Variants in DPYD observed in about 807,000 individuals in gnomAD.
The protein encoded by DPYD is dihydropyrimidine dehydrogenase [NADP(+)].
Under a neutral mutation model 116.2 loss-of-function variants are expected in DPYD, and 109 were observed. The ratio of observed to expected loss-of-function variants is 0.94; its 90% CI spans 0.80 to 1.10. The LOEUF (loss-of-function observed/expected upper bound fraction) is 1.10. Among genes scored for constraint, DPYD ranks in the 50% least tolerant of loss-of-function variants. The probability of loss-of-function intolerance (pLI) is 0.00; values close to 1 mark genes in which losing one functional copy is unlikely to be tolerated. For missense variants in DPYD, 1,302 were observed against 1,254.5 expected (o/e 1.04, Z -0.57); for synonymous variants, 440 against 432.0 (o/e 1.02, Z -0.23).
In DPYD at chr1:97,869,240, G is replaced by A. The variant is rs527641310; in HGVS notation, c.150+14024C>T. On this transcript the variant is annotated intron_variant, in intron 2 of 22. Coordinates refer to ENST00000370192, the MANE Select transcript of DPYD (RefSeq NM_000110.4). The stretch of plus-strand genomic sequence containing the variant: ...TGGCCAGAATGAGGGCCAGAGTTAG[G>A]TGGTACAAAGAAAGCTTCAAGGGTC... Among the ~76,000 whole-genome samples the A allele has an allele frequency of 3.3e-5, 5 of 151,868 alleles. No homozygotes were observed. The South Asian group carries it at 1.0e-3, about 32-fold the overall frequency.
At chr1:97,332,059 T>C (rs1295477857) in intron 16 of DPYD, among the ~76,000 whole-genome samples, 2 of 152,188 alleles carry the variant, frequency 1.3e-5, no homozygotes, top group East Asian at 1.9e-4. Flanking sequence ...TAGTTGATCA[T>C]TGTTATCTTC....
chr1:97,662,897 A>G (rs1308071792), intron 8 of DPYD, among the ~76,000 whole-genome samples: 1 of 152,198 alleles, frequency 6.6e-6, no homozygotes, highest in African/African-American at 2.4e-5. Context: ...GTAGTCACAC[A>G]GTTTCACTGG....
intron 8 of DPYD, among the ~76,000 whole-genome samples, chr1:97,660,794 G>GA (rs201012963): frequency 2.6e-5 from 4 of 151,792 alleles, no homozygotes; most frequent in South Asian, 4.2e-4. Flanking sequence ...GTGTCAATGG[G>GA]AAAAAAAATA....
intron 20 of DPYD, among the ~76,000 whole-genome samples, chr1:97,162,205 C>T (rs1012681500): frequency 7.2e-5 from 11 of 152,214 alleles, no homozygotes; most frequent in African/African-American, 2.6e-4. Flanking sequence ...AAAAGTGTTC[C>T]TATTTGTCCA....
intron 19 of DPYD, among the ~76,000 whole-genome samples, chr1:97,224,248 G>A (rs1049987239): frequency 3.9e-5 from 6 of 151,922 alleles, no homozygotes; most frequent in South Asian, 2.1e-4. Context: ...TCTAGGCCAC[G>A]GTGTTACATC....
intron 1 of DPYD, chr1:97,883,943 A>G: frequency 2.4e-6 from 1 of 423,628 alleles, no homozygotes. Context: ...AAAAAAGTTC[A>G]GTATGGGAAA....
intron 16 of DPYD, among the ~76,000 whole-genome samples, chr1:97,356,514 C>G (rs1211227139): frequency 6.6e-6 from 1 of 152,152 alleles, no homozygotes; most frequent in Admixed American, 6.6e-5. Context: ...ATTTGCTGTT[C>G]TGCAGCCTCC....
chr1:97,200,197 C>G (rs908118180), intron 19 of DPYD, among the ~76,000 whole-genome samples: 2 of 152,076 alleles, frequency 1.3e-5, no homozygotes, highest in Non-Finnish European at 2.9e-5. Context: ...CAGATAAACC[C>G]ATGACCATAA....
rs181860699 is a variant in DPYD at position 97,805,917 on chromosome 1, A to G, written c.233+22197T>C. ...AGAAGCTTCCAAAATACAGAAATAA[A>G]CAAAATGAATGAGGGTTCAGGAGAA... is the stretch of plus-strand genomic sequence containing the variant. On this transcript the variant is annotated intron_variant, in intron 3 of 22. Coordinates refer to ENST00000370192, the MANE Select transcript of DPYD (RefSeq NM_000110.4). 3.4e-3 allele frequency among the ~76,000 whole-genome samples: 512 copies of G among 151,996 alleles called. 1 individual carries two copies. Among genetic ancestry groups the G allele is most frequent in the Middle Eastern group, 0.01 (3 of 294 alleles).
In DPYD at chr1:97,867,408, A is replaced by G. The variant is rs558192305; in HGVS notation, c.150+15856T>C. On this transcript the variant is annotated intron_variant, in intron 2 of 22. Coordinates refer to ENST00000370192, the MANE Select transcript of DPYD (RefSeq NM_000110.4). ...TGATACGAGAAGAAAACTGCTTTGA[A>G]ATGAAGGAAAGATTTGAGTTGTAGA... Among the ~76,000 whole-genome samples, 3 of 151,998 alleles carry G rather than the reference A, an allele frequency of 2.0e-5. No individual in the cohort carries two copies. In the South Asian group the frequency reaches 6.2e-4, roughly 31 times the overall value.
At chr1:97,722,269 G>T (rs1476942183) in intron 4 of DPYD, among the ~76,000 whole-genome samples, 1 of 151,422 alleles carries the variant, frequency 6.6e-6, no homozygotes, top group African/African-American at 2.4e-5. Flanking sequence ...AACAAGAAAA[G>T]TCTGGCAAAT....
intron 16 of DPYD, among the ~76,000 whole-genome samples, chr1:97,315,363 T>G (rs1667765577): frequency 6.6e-6 from 1 of 151,698 alleles, no homozygotes; most frequent in African/African-American, 2.4e-5. Flanking sequence ...AATGTGGGAC[T>G]CCTCTAATAG....
chr1:97,719,857 T>C (rs1451693577), intron 5 of DPYD: 8 of 984,948 alleles, frequency 8.1e-6, no homozygotes, highest in Non-Finnish European at 9.6e-6. Flanking sequence ...ACATTCCTAT[T>C]CTAAATTCCT....
At chr1:97,357,572 C>T (rs972787309) in intron 16 of DPYD, among the ~76,000 whole-genome samples, 5 of 152,080 alleles carry the variant, frequency 3.3e-5, no homozygotes, top group Non-Finnish European at 7.4e-5. Context: ...GATACAAATG[C>T]AGTTTTGTTA....
chr1:97,892,394 A>G (rs1051942646), intron 1 of DPYD, among the ~76,000 whole-genome samples: 3 of 151,798 alleles, frequency 2.0e-5, no homozygotes, highest in African/African-American at 4.8e-5. Context: ...CTCATTAGTC[A>G]TAGTGTAGAG....
intron 3 of DPYD, among the ~76,000 whole-genome samples, chr1:97,743,852 G>T (rs940484140): frequency 1.3e-5 from 2 of 151,954 alleles, no homozygotes; most frequent in African/African-American, 2.4e-5. Flanking sequence ...AAGTTACTCT[G>T]TTATAGTGCA....
chr1:97,801,172 A>C (rs1163893464), intron 3 of DPYD, among the ~76,000 whole-genome samples: 1 of 85,596 alleles, frequency 1.2e-5, no homozygotes, highest in African/African-American at 5.0e-5. Flanking sequence ...TTCTAAAAAG[A>C]GGACAGAAAG....
At chr1:97,894,871 A>G (rs1275141797) in intron 1 of DPYD, among the ~76,000 whole-genome samples, 2 of 151,764 alleles carry the variant, frequency 1.3e-5, no homozygotes, top group African/African-American at 4.8e-5. Context: ...GCATCCATAT[A>G]TTACATATTT....
At chr1:97,750,890 T>C (rs1182931319) in intron 3 of DPYD, among the ~76,000 whole-genome samples, 1 of 152,070 alleles carries the variant, frequency 6.6e-6, no homozygotes, top group African/African-American at 2.4e-5. Context: ...CTGGCAACTC[T>C]CTAGCATATA....
Sources: gnomAD v4.1 joint callset for allele counts (sites outside exome capture counted in the v4.1 genomes callset) on GRCh38, gnomAD v4.1.1 for gene constraint, MANE v1.5 for transcripts, NCBI Gene and HGNC (gene_info 2026-07-23, HGNC 2026-07-21) for gene names.